Variants in PCDHA11 observed in about 807,000 individuals in gnomAD.
The protein encoded by PCDHA11 is protocadherin alpha 11, also known as protocadherin alpha-11.
A neutral mutation model predicts 70.3 loss-of-function variants in PCDHA11; 61 were observed. That is an observed-to-expected ratio of 0.87 (90% confidence interval 0.71 to 1.07). The LOEUF is 1.07. Ranked by LOEUF, PCDHA11 falls within the 50% of genes least tolerant of loss-of-function variation. The pLI is 0.00. For synonymous variants in PCDHA11, 633 were observed against 555.1 expected, an observed-to-expected ratio of 1.14 and a Z score of -1.97; for missense variants, 1,324 against 1,237.5, an observed-to-expected ratio of 1.07 and a Z score of -1.05.
At chr5:140,888,796 T>C (rs1158691492) in intron 1 of PCDHA11, among the ~76,000 whole-genome samples, 1 of 152,008 alleles carries the variant, frequency 6.6e-6, no homozygotes, top group East Asian at 1.9e-4. Context: ...TCTGGGGAGG[T>C]TGATCAGTGA....
intron 3 of PCDHA11, among the ~76,000 whole-genome samples, chr5:140,993,344 A>G (rs1379621962): frequency 1.3e-5 from 2 of 152,022 alleles, no homozygotes; most frequent in Admixed American, 6.6e-5. Context: ...GAAGGGCACT[A>G]CGAAGATCCT....
At chr5:140,940,055 C>G (rs1179353318) in intron 1 of PCDHA11, among the ~76,000 whole-genome samples, 1 of 152,064 alleles carries the variant, frequency 6.6e-6, no homozygotes, top group Non-Finnish European at 1.5e-5. Context: ...GATTCTTAAC[C>G]AAATATAAAT....
intron 1 of PCDHA11, among the ~76,000 whole-genome samples, chr5:140,950,723 A>G (rs1478275346): frequency 1.3e-5 from 2 of 151,984 alleles, no homozygotes; most frequent in African/African-American, 4.8e-5. Flanking sequence ...ATATCCTTAA[A>G]TTTTTTAATC....
At chr5:140,894,793 T>C (rs1269028222) in intron 1 of PCDHA11, among the ~76,000 whole-genome samples, 2 of 152,170 alleles carry the variant, frequency 1.3e-5, no homozygotes, top group Non-Finnish European at 2.9e-5. Flanking sequence ...TGTCCTCTCC[T>C]TTAAAAATAA....
chr5:141,011,894 TATC>T lies in PCDHA11; in HGVS notation c.*1958_*1960del, dbSNP rs1554263691. 6.5e-6 allele frequency: 1 copy of T among 153,306 alleles called. No individual in the cohort carries two copies. The highest frequency in any genetic ancestry group is 2.4e-5 in the African/African-American group (1 of 41,080). 9.5% of individuals were successfully genotyped at this position (153,306 alleles called of 1,614,324 possible). On this transcript the variant is annotated 3_prime_UTR_variant, in exon 4 of 4. Transcript: ENST00000398640. Reference sequence around the variant, plus strand: ...AATTTAGAAGTTTGATTAATTATATTATCTATTTAGGCATTAATATAAAAGAGG... The same window carrying T: ...AATTTAGAAGTTTGATTAATTATATTTATTTAGGCATTAATATAAAAGAGG...
chr5:140,981,883 C>T (rs1488792007), intron 2 of PCDHA11, among the ~76,000 whole-genome samples: 1 of 152,146 alleles, frequency 6.6e-6, no homozygotes, highest in Non-Finnish European at 1.5e-5. Context: ...GAATTAATCT[C>T]TTCTGAGCGG....
At chr5:140,988,571 C>T (rs1438476188) in intron 3 of PCDHA11, among the ~76,000 whole-genome samples, 7 of 152,168 alleles carry the variant, frequency 4.6e-5, no homozygotes, top group Non-Finnish European at 1.0e-4. Flanking sequence ...TGGGAAAACA[C>T]TCTGTACCTT....
intron 3 of PCDHA11, among the ~76,000 whole-genome samples, chr5:140,995,674 AT>A (rs1240189428): frequency 1.3e-5 from 2 of 151,994 alleles, no homozygotes; most frequent in Non-Finnish European, 2.9e-5. Flanking sequence ...TAAATGCAGC[AT>A]TTTTTTTAAT....
intron 1 of PCDHA11, among the ~76,000 whole-genome samples, chr5:140,894,025 A>G (rs1473023847): frequency 1.3e-5 from 2 of 152,232 alleles, no homozygotes; most frequent in Admixed American, 6.5e-5. Flanking sequence ...CCAGTTCTGC[A>G]TACTGGTAAT....
intron 1 of PCDHA11, among the ~76,000 whole-genome samples, chr5:140,944,319 C>T (rs1386940921): frequency 6.6e-6 from 1 of 152,104 alleles, no homozygotes. Context: ...TCCTGAGTAG[C>T]TGGGATTACA....
At chr5:140,921,022 T>C (rs990627966) in intron 1 of PCDHA11, among the ~76,000 whole-genome samples, 6 of 152,094 alleles carry the variant, frequency 3.9e-5, no homozygotes, top group Admixed American at 6.6e-5. Context: ...CTATGTTTTC[T>C]AGACTGGGGT....
intron 1 of PCDHA11, among the ~76,000 whole-genome samples, chr5:140,888,767 T>G (rs927723567): frequency 6.6e-6 from 1 of 152,048 alleles, no homozygotes; most frequent in Non-Finnish European, 1.5e-5. Flanking sequence ...TTTTTTTTAA[T>G]TTTGAAGGGA....
rs2052526417 is a variant in PCDHA11 at position 140,870,905 on chromosome 5, G to T, written c.1802G>T (p.Gly601Val). 6.2e-7 allele frequency: 1 copy of T among 1,613,958 alleles called. No individual in the cohort carries two copies. Among genetic ancestry groups the T allele is most frequent in the Non-Finnish European group, 8.5e-7 (1 of 1,179,908 alleles). The change falls in exon 1 of 4, where the codon GGC (glycine) becomes GTC (valine). Residue 601 changes from glycine to valine, a missense_variant. Gly to Val is a moderately radical substitution (Grantham distance 109). Coordinates refer to ENST00000398640, the MANE Select transcript of PCDHA11 (RefSeq NM_018902.5). ...GTGCGCGCAGTGGATGCGGACTCAG[G>T]CTACAACGCGTGGCTTTCATATGAA... ...AKVRAVDADS[G>V]YNAWLSYELQ... is the part of the protein sequence containing the mutation.
At chr5:140,916,714 G>C (rs1457405124) in intron 1 of PCDHA11, among the ~76,000 whole-genome samples, 1 of 152,172 alleles carries the variant, frequency 6.6e-6, no homozygotes, top group African/African-American at 2.4e-5. Context: ...CAGAAGGAAG[G>C]AGTGACTTTT....
chr5:140,943,270 AAAAAAAAG>A (rs1301290983), intron 1 of PCDHA11, among the ~76,000 whole-genome samples: 4 of 150,618 alleles, frequency 2.7e-5, no homozygotes, highest in African/African-American at 4.9e-5. Context: ...AAAAAAAAAA[AAAAAAAAG>A]AAAGAAAGAA....
chr5:140,879,612 G>T (rs1554170881), intron 1 of PCDHA11, among the ~76,000 whole-genome samples: 1 of 152,172 alleles, frequency 6.6e-6, no homozygotes, highest in East Asian at 1.9e-4. Context: ...ATGTGTCCAG[G>T]TACTTAGGTG....
intron 1 of PCDHA11, among the ~76,000 whole-genome samples, chr5:140,921,651 C>T (rs155817): frequency 0.33 from 49,637 of 151,902 alleles, 8,394 homozygotes; most frequent in East Asian, 0.53. Context: ...TTTAAGGGAA[C>T]TTAATAAAAA....
chr5:140,945,322 T>C (rs1311724084), intron 1 of PCDHA11, among the ~76,000 whole-genome samples: 9 of 152,096 alleles, frequency 5.9e-5, no homozygotes, highest in Admixed American at 5.2e-4. Context: ...AATGGAAATA[T>C]ATTTTATGTT....
intron 1 of PCDHA11, among the ~76,000 whole-genome samples, chr5:140,945,365 G>A (rs1458066318): frequency 6.6e-6 from 1 of 151,914 alleles, no homozygotes; most frequent in Non-Finnish European, 1.5e-5. Flanking sequence ...TGTTTAAAAT[G>A]TCCATATTAC....
Sources: gnomAD v4.1 joint callset for allele counts (sites outside exome capture counted in the v4.1 genomes callset) on GRCh38, gnomAD v4.1.1 for gene constraint, MANE v1.5 for transcripts, NCBI Gene and HGNC (gene_info 2026-07-23, HGNC 2026-07-21) for gene names.